Variants in SIL1 observed in about 807,000 individuals in gnomAD.
SIL1 encodes the protein SIL1 nucleotide exchange factor.
In SIL1, 40 loss-of-function variants were observed where a neutral mutation model predicts 49.1. The observed-to-expected ratio is 0.81, with a 90% CI of 0.63 to 1.06. The LOEUF (loss-of-function observed/expected upper bound fraction) is 1.06, where lower values mean the gene tolerates loss of function less well. Among genes scored for constraint, SIL1 ranks in the 50% least tolerant of loss-of-function variants. The pLI, the probability that SIL1 is intolerant of heterozygous loss-of-function variation, is 0.00. For synonymous variants in SIL1, 253 were observed against 250.8 expected, an observed-to-expected ratio of 1.01 and a Z score of -0.08; for missense variants, 500 against 572.6, an observed-to-expected ratio of 0.87 and a Z score of 1.29.
Position 139,115,901 on chromosome 5 carries a change from G to C in SIL1, c.244+5134C>G, listed in dbSNP as rs142555526. ...GGACTTGCAACTGCCATATGAAATGGAAGCAGTCTTATGGACTTAGCCCTT... is the reference window on the plus strand; with the variant it reads ...GGACTTGCAACTGCCATATGAAATGCAAGCAGTCTTATGGACTTAGCCCTT... On this transcript the variant is annotated intron_variant, in intron 3 of 9. Transcript: ENST00000394817. Among the ~76,000 whole-genome samples, 384 of 152,330 alleles carry C rather than the reference G, an allele frequency of 2.5e-3. 15 individuals carry two copies. The highest frequency in any genetic ancestry group is 0.023 in the Admixed American group (353 of 15,294).
At chr5:139,112,410 G>C (rs1192753450) in intron 3 of SIL1, among the ~76,000 whole-genome samples, 3 of 151,794 alleles carry the variant, frequency 2.0e-5, no homozygotes, top group South Asian at 2.1e-4. Context: ...GAGCGTCTCT[G>C]CCCGGCTGCC....
intron 1 of SIL1, among the ~76,000 whole-genome samples, chr5:139,166,951 G>A (rs1751636038): frequency 6.6e-6 from 1 of 152,142 alleles, no homozygotes; most frequent in African/African-American, 2.4e-5. Context: ...TGGGAATACA[G>A]GCACCCACCA....
intron 3 of SIL1, among the ~76,000 whole-genome samples, chr5:139,069,580 C>T (rs941405224): frequency 6.6e-6 from 1 of 151,798 alleles, no homozygotes; most frequent in Non-Finnish European, 1.5e-5. Flanking sequence ...CACATAAAAA[C>T]GAGCAACAAA....
At chr5:138,990,534 A>G (rs1767733589) in intron 7 of SIL1, among the ~76,000 whole-genome samples, 1 of 152,130 alleles carries the variant, frequency 6.6e-6, no homozygotes, top group South Asian at 2.1e-4. Flanking sequence ...GGCTCACTGC[A>G]GCCTCGACCT....
chr5:139,097,061 C>T (rs974735814), intron 3 of SIL1, among the ~76,000 whole-genome samples: 1 of 152,084 alleles, frequency 6.6e-6, no homozygotes, highest in African/African-American at 2.4e-5. Context: ...CAGTACTCCC[C>T]ATGGGCCTGT....
chr5:139,054,172 T>C (rs1356228406), intron 3 of SIL1, among the ~76,000 whole-genome samples: 1 of 152,126 alleles, frequency 6.6e-6, no homozygotes, highest in Admixed American at 6.5e-5. Flanking sequence ...TTCCAGCACT[T>C]TGGGAGGCCA....
chr5:139,064,351 G>T (rs1287926746), intron 3 of SIL1, among the ~76,000 whole-genome samples: 2 of 152,218 alleles, frequency 1.3e-5, no homozygotes, highest in African/African-American at 2.4e-5. Flanking sequence ...TCTATTTATT[G>T]TTGTGGGGTG....
chr5:138,961,952 C>CA (rs762714772), intron 7 of SIL1, among the ~76,000 whole-genome samples: 3 of 119,738 alleles, frequency 2.5e-5, no homozygotes, highest in Non-Finnish European at 5.2e-5. Flanking sequence ...GTTCTCTAGA[C>CA]TTTTTTTTTT....
At chr5:139,197,980 G>A (rs575912181) in intron 1 of SIL1, among the ~76,000 whole-genome samples, 1 of 152,308 alleles carries the variant, frequency 6.6e-6, no homozygotes, top group African/African-American at 2.4e-5. Flanking sequence ...ACAGGCAAGG[G>A]CACTAAAAAC....
intron 1 of SIL1, among the ~76,000 whole-genome samples, chr5:139,149,520 T>C (rs1182802002): frequency 6.6e-6 from 1 of 152,040 alleles, no homozygotes; most frequent in African/African-American, 2.4e-5. Context: ...TGGAGATAGA[T>C]TGGCAATACA....
chr5:139,183,494 G>A (rs1420611002), intron 1 of SIL1, among the ~76,000 whole-genome samples: 1 of 152,172 alleles, frequency 6.6e-6, no homozygotes. Context: ...ATTCTATTCA[G>A]AAGAGACCAG....
At chr5:138,952,778 G>A (rs1766811806) in intron 7 of SIL1, among the ~76,000 whole-genome samples, 1 of 152,276 alleles carries the variant, frequency 6.6e-6, no homozygotes, top group Non-Finnish European at 1.5e-5. Context: ...CCTCCCAGAT[G>A]AAGGGATGAG....
intron 7 of SIL1, among the ~76,000 whole-genome samples, chr5:138,995,847 C>G (rs536817137): frequency 6.6e-6 from 1 of 152,326 alleles, no homozygotes; most frequent in African/African-American, 2.4e-5. Context: ...TTTCACTTAA[C>G]ATAATGACCT....
chr5:139,195,538 C>A (rs530539152), intron 1 of SIL1, among the ~76,000 whole-genome samples: 1 of 152,306 alleles, frequency 6.6e-6, no homozygotes, highest in South Asian at 2.1e-4. Context: ...CAGGCACCCA[C>A]CACCTCGCCC....
At chr5:139,181,529 TCAAA>T (rs991267601) in intron 1 of SIL1, among the ~76,000 whole-genome samples, 10 of 152,230 alleles carry the variant, frequency 6.6e-5, no homozygotes, top group Non-Finnish European at 1.2e-4. Context: ...CTGGGAGTTC[TCAAA>T]CAAATGATTT....
intron 7 of SIL1, among the ~76,000 whole-genome samples, chr5:138,996,889 T>TA (rs983054140): frequency 5.9e-5 from 9 of 152,168 alleles, no homozygotes; most frequent in Admixed American, 4.6e-4. Context: ...TTTGAGGTCT[T>TA]ACACACAAAA....
intron 1 of SIL1, among the ~76,000 whole-genome samples, chr5:139,185,030 C>T (rs1452689326): frequency 1.3e-5 from 2 of 152,204 alleles, no homozygotes; most frequent in African/African-American, 4.8e-5. Context: ...ACATTATTTC[C>T]TTATAACACC....
chr5:138,965,260 T>G (rs1261772872), intron 7 of SIL1, among the ~76,000 whole-genome samples: 1 of 152,148 alleles, frequency 6.6e-6, no homozygotes, highest in Non-Finnish European at 1.5e-5. Flanking sequence ...GTGTTAGAAA[T>G]AGTCCTTTGT....
At chr5:139,093,470 G>A (rs765581626) in intron 3 of SIL1, among the ~76,000 whole-genome samples, 5 of 152,212 alleles carry the variant, frequency 3.3e-5, no homozygotes, top group South Asian at 4.2e-4. Flanking sequence ...AACCCAGTCC[G>A]TGTGTGTGAA....
Sources: gnomAD v4.1 joint callset for allele counts (sites outside exome capture counted in the v4.1 genomes callset) on GRCh38, gnomAD v4.1.1 for gene constraint, MANE v1.5 for transcripts, NCBI Gene and HGNC (gene_info 2026-07-23, HGNC 2026-07-21) for gene names.